PLCB4: variants seen among roughly 807,000 people sequenced by gnomAD.
PLCB4 encodes the protein phospholipase C beta 4.
PLCB4 carries 77 observed loss-of-function variants against 178.8 expected under a neutral mutation model. The ratio of observed to expected loss-of-function variants is 0.43; its 90% CI spans 0.36 to 0.52. PLCB4 has a LOEUF of 0.52. Among genes scored for constraint, PLCB4 ranks in the 20% least tolerant of loss-of-function variants. The pLI, the probability that PLCB4 is intolerant of heterozygous loss-of-function variation, is 0.00. For synonymous variants in PLCB4, 496 were observed against 490.8 expected (o/e 1.01, Z -0.14); for missense variants, 1,024 against 1,453.4 (o/e 0.70, Z 4.80).
At chr20:9,261,806 G>A (rs2094300106) in intron 3 of PLCB4, among the ~76,000 whole-genome samples, 1 of 152,118 alleles carries the variant, frequency 6.6e-6, no homozygotes, top group Admixed American at 6.6e-5. Flanking sequence ...AGAACAGACT[G>A]GCTGTGCACT....
At chr20:9,228,489 G>A (rs771081064) in intron 3 of PLCB4, among the ~76,000 whole-genome samples, 1 of 152,060 alleles carries the variant, frequency 6.6e-6, no homozygotes, top group Non-Finnish European at 1.5e-5. Flanking sequence ...CTTCCAGATG[G>A]TCTTTAAAGT....
chr20:9,254,474 C>A (rs953928031), intron 3 of PLCB4, among the ~76,000 whole-genome samples: 1 of 152,132 alleles, frequency 6.6e-6, no homozygotes, highest in Non-Finnish European at 1.5e-5. Context: ...GCAGGTGGAC[C>A]ACTTGAGGCC....
intron 2 of PLCB4, among the ~76,000 whole-genome samples, chr20:9,162,045 T>C (rs190778111): frequency 6.6e-5 from 10 of 152,268 alleles, no homozygotes; most frequent in African/African-American, 2.4e-4. Context: ...ATATCCTTTA[T>C]TTCTTTAGCA....
chr20:9,468,734 T>G lies in PLCB4; in HGVS notation c.3350+62T>G, dbSNP rs1245817385. On this transcript the variant is annotated intron_variant, in intron 36 of 39. Coordinates refer to ENST00000378473, the MANE Select transcript of PLCB4 (RefSeq NM_001377142.1). ...TGACTTGAGGACACAGTCTCAACTT[T>G]CTTTATGTGTGTACACACACACACA... 5 of 937,896 alleles carry G rather than the reference T, an allele frequency of 5.3e-6. No homozygotes were observed. In the Admixed American group the frequency reaches 8.9e-5, roughly 17 times the overall value. The allele number at this position is 937,896 out of a possible 1,614,324, so 58.1% of individuals were successfully genotyped here. A position where few individuals can be genotyped will look rare whatever the true frequency, so the allele number is the denominator to read the frequency against.
At chr20:9,137,080 C>T (rs2092399115) in intron 2 of PLCB4, among the ~76,000 whole-genome samples, 1 of 152,048 alleles carries the variant, frequency 6.6e-6, no homozygotes, top group African/African-American at 2.4e-5. Context: ...CCAGGAAGAT[C>T]TCTTCTGTCG....
intron 3 of PLCB4, among the ~76,000 whole-genome samples, chr20:9,228,521 A>C (rs1210939538): frequency 6.6e-6 from 1 of 152,122 alleles, no homozygotes; most frequent in Non-Finnish European, 1.5e-5. Flanking sequence ...GGAAGCTGAG[A>C]GATTGTTCCT....
At chr20:9,244,123 G>A (rs1366231978) in intron 3 of PLCB4, among the ~76,000 whole-genome samples, 1 of 152,086 alleles carries the variant, frequency 6.6e-6, no homozygotes, top group African/African-American at 2.4e-5. Context: ...TGTTGGTTAA[G>A]CTTAGAGTGA....
intron 1 of PLCB4, among the ~76,000 whole-genome samples, chr20:9,087,113 A>C (rs1005700847): frequency 6.6e-6 from 1 of 152,194 alleles, no homozygotes; most frequent in African/African-American, 2.4e-5. Context: ...CTTGCTTTTA[A>C]AAAAATCTAT....
At chr20:9,399,393 C>T (rs931355377) in intron 19 of PLCB4, among the ~76,000 whole-genome samples, 1 of 152,182 alleles carries the variant, frequency 6.6e-6, no homozygotes, top group African/African-American at 2.4e-5. Flanking sequence ...CTATAATTAC[C>T]TTAGTGCCAC....
intron 2 of PLCB4, among the ~76,000 whole-genome samples, chr20:9,126,749 T>G (rs987336587): frequency 6.6e-6 from 1 of 151,136 alleles, no homozygotes; most frequent in Non-Finnish European, 1.5e-5. Context: ...TCAGAGCAAG[T>G]TTTAACATGT....
At chr20:9,122,114 G>C (rs2091977483) in intron 2 of PLCB4, among the ~76,000 whole-genome samples, 1 of 152,096 alleles carries the variant, frequency 6.6e-6, no homozygotes, top group Non-Finnish European at 1.5e-5. Flanking sequence ...GATGTATACT[G>C]ATAAGAAGAG....
Position 9,444,001 on chromosome 20 carries a change from G to A in PLCB4, c.2785G>A (p.Val929Ile). 6.3e-7 allele frequency: 1 copy of A among 1,599,698 alleles called. No individual in the cohort carries two copies. Among genetic ancestry groups the A allele is most frequent in the South Asian group, 1.1e-5 (1 of 89,182 alleles). ...AKKGIELIPQ[V>I]RIEDLKQMKA... ...TTTAGGTATTGAACTTATCCCTCAAGTAAGGATAGAAGACTTAAAGCAGAT... is the reference window on the plus strand; with the variant it reads ...TTTAGGTATTGAACTTATCCCTCAAATAAGGATAGAAGACTTAAAGCAGAT... The change falls in exon 31 of 40, where the codon GTA becomes ATA. Residue 929 changes from valine (V) to isoleucine (I), a missense_variant. Val to Ile is a conservative substitution (Grantham distance 29). Transcript: ENST00000378473.
chr20:9,142,766 T>G (rs774181053), intron 2 of PLCB4, among the ~76,000 whole-genome samples: 5 of 152,150 alleles, frequency 3.3e-5, no homozygotes, highest in Non-Finnish European at 7.4e-5. Flanking sequence ...CAGTCTGTTC[T>G]CAACACAGCA....
chr20:9,323,099 C>G lies in PLCB4; in HGVS notation c.85-14027C>G, dbSNP rs547803122. On this transcript the variant is annotated intron_variant, in intron 4 of 39. Transcript: ENST00000378473. ...GTAATTTCCAAAGTTCTTTCTGTGT[C>G]CTGCAAGTCCCCTACATGACCTACC... is the stretch of plus-strand genomic sequence containing the variant. Among the ~76,000 whole-genome samples the G allele has an allele frequency of 5.3e-5, 8 of 152,306 alleles. No individual in the cohort carries two copies. The South Asian group carries it at 1.5e-3, about 28-fold the overall frequency.
At chr20:9,208,115 C>A (rs1459115539) in intron 2 of PLCB4, among the ~76,000 whole-genome samples, 1 of 152,144 alleles carries the variant, frequency 6.6e-6, no homozygotes, top group Non-Finnish European at 1.5e-5. Context: ...GCAGAAATAG[C>A]CCCTATTTTA....
chr20:9,310,844 T>G (rs1347576082), intron 4 of PLCB4, among the ~76,000 whole-genome samples: 1 of 152,222 alleles, frequency 6.6e-6, no homozygotes, highest in Non-Finnish European at 1.5e-5. Context: ...TTAAAGTTTA[T>G]TTTATTATTT....
At chr20:9,334,225 A>G (rs769756305) in intron 4 of PLCB4, among the ~76,000 whole-genome samples, 1 of 152,172 alleles carries the variant, frequency 6.6e-6, no homozygotes, top group Non-Finnish European at 1.5e-5. Context: ...AGGAAGGAAT[A>G]ATCAAACTCT....
chr20:9,110,325 A>G (rs1323186596), intron 2 of PLCB4, among the ~76,000 whole-genome samples: 1 of 152,212 alleles, frequency 6.6e-6, no homozygotes, highest in African/African-American at 2.4e-5. Context: ...TCTTTAAAAC[A>G]TAGGATTTAA....
At position 9,419,800 on chromosome 20, in the gene PLCB4, C is replaced by A; in HGVS notation, c.2052-7C>A. ...ACTAATAAACTTCTATGCTATTGTC[C>A]TACCAGGTACCTTCTCAAACCAGAT... On this transcript the variant is annotated splice_region_variant and splice_polypyrimidine_tract_variant and intron_variant, in intron 25 of 39. Transcript: ENST00000378473. 6.3e-7 allele frequency: 1 copy of A among 1,586,666 alleles called. No individual in the cohort carries two copies. The highest frequency in any genetic ancestry group is 8.7e-7 in the Non-Finnish European group (1 of 1,154,988).
Sources: allele counts gnomAD v4.1 joint callset (sites outside exome capture counted in the v4.1 genomes callset), GRCh38; gene constraint gnomAD v4.1.1; transcripts MANE v1.5; gene names NCBI Gene and HGNC (gene_info 2026-07-23, HGNC 2026-07-21).